The following SAMMSON variants were observed in gnomAD, a reference collection of about 807,000 sequenced individuals.
SAMMSON encodes survival associated mitochondrial melanoma specific oncogenic non-coding RNA.
chr3:70,199,446 T>C (rs1701214308), intron 4 of SAMMSON, among the ~76,000 whole-genome samples: 3 of 152,188 alleles, frequency 2.0e-5, no homozygotes, highest in Admixed American at 2.0e-4. Flanking sequence ...CCTCCCTATT[T>C]TGCACTTGAG....
chr3:70,163,447 G>A (rs2067624490), intron 4 of SAMMSON, among the ~76,000 whole-genome samples: 1 of 151,102 alleles, frequency 6.6e-6, no homozygotes, highest in South Asian at 2.1e-4. Context: ...ATTAATATTA[G>A]CTTACTTTCA....
At chr3:70,318,462 TTGTG>T (rs35643960) in intron 7 of SAMMSON, among the ~76,000 whole-genome samples, 2 of 150,112 alleles carry the variant, frequency 1.3e-5, no homozygotes, top group African/African-American at 2.4e-5. Context: ...AATTAACATT[TTGTG>T]TGTGTGTGTG....
intron 2 of SAMMSON, among the ~76,000 whole-genome samples, chr3:70,401,155 A>T (rs1379277962): frequency 6.6e-6 from 1 of 152,066 alleles, no homozygotes; most frequent in Non-Finnish European, 1.5e-5. Flanking sequence ...TATAATAGAT[A>T]TTTTGTTTTT....
chr3:70,206,601 G>A, intron 4 of SAMMSON: 1 of 397,852 alleles, frequency 2.5e-6, no homozygotes, highest in Non-Finnish European at 4.4e-6. Context: ...TGAAGTATCA[G>A]TTTGGAGGTA....
At chr3:70,018,713 G>A (rs1480349480) in intron 3 of SAMMSON, among the ~76,000 whole-genome samples, 1 of 152,000 alleles carries the variant, frequency 6.6e-6, no homozygotes, top group Non-Finnish European at 1.5e-5. Context: ...TCTCTTGTGG[G>A]CATTTAGTGC....
At chr3:70,376,871 T>C (rs1209814185) in intron 9 of SAMMSON, among the ~76,000 whole-genome samples, 1 of 152,186 alleles carries the variant, frequency 6.6e-6, no homozygotes, top group East Asian at 1.9e-4. Flanking sequence ...CCCATATCAT[T>C]TTATTTCTTT....
chr3:70,001,109 A>C (rs995785845), intron 1 of SAMMSON, among the ~76,000 whole-genome samples: 1 of 151,706 alleles, frequency 6.6e-6, no homozygotes, highest in Non-Finnish European at 1.5e-5. Flanking sequence ...AAGAGGGGTG[A>C]TGTGGGTCAT....
intron 4 of SAMMSON, among the ~76,000 whole-genome samples, chr3:70,178,676 C>A (rs895228992): frequency 1.3e-5 from 2 of 152,138 alleles, no homozygotes; most frequent in Non-Finnish European, 2.9e-5. Context: ...TTAGATGTCT[C>A]ACTAGGAAAA....
At chr3:70,000,149 C>T (rs1212974718) in intron 1 of SAMMSON, among the ~76,000 whole-genome samples, 2 of 152,200 alleles carry the variant, frequency 1.3e-5, no homozygotes, top group African/African-American at 2.4e-5. Context: ...CACCCAGTAA[C>T]ACACGCCTGC....
intron 4 of SAMMSON, among the ~76,000 whole-genome samples, chr3:70,111,318 T>A (rs930966575): frequency 6.6e-5 from 10 of 152,100 alleles, no homozygotes; most frequent in Non-Finnish European, 8.8e-5. Context: ...TAAAAATAAA[T>A]ACTCAAGTGA....
intron 3 of SAMMSON, among the ~76,000 whole-genome samples, chr3:70,061,813 T>A (rs142708935): frequency 1.3e-4 from 20 of 152,248 alleles, no homozygotes; most frequent in Admixed American, 3.3e-4. Context: ...AGGGTTTTCT[T>A]TTGCTGTAGA....
intron 6 of SAMMSON, among the ~76,000 whole-genome samples, chr3:70,268,756 T>C (rs939644151): frequency 6.6e-6 from 1 of 152,224 alleles, no homozygotes; most frequent in African/African-American, 2.4e-5. Flanking sequence ...AATACTTCAA[T>C]GAAGTATCTA....
chr3:70,282,412 G>C (rs972181422), intron 6 of SAMMSON, among the ~76,000 whole-genome samples: 2 of 152,152 alleles, frequency 1.3e-5, no homozygotes, highest in Non-Finnish European at 2.9e-5. Flanking sequence ...GTTAGTTACA[G>C]AAGCTAATGA....
intron 4 of SAMMSON, among the ~76,000 whole-genome samples, chr3:70,112,218 T>C (rs902951110): frequency 1.3e-5 from 2 of 152,170 alleles, no homozygotes; most frequent in Non-Finnish European, 2.9e-5. Flanking sequence ...AAAGGAGCAG[T>C]AATTCCTCCA....
intron 3 of SAMMSON, chr3:70,065,131 TTTA>T: frequency 6.6e-6 from 1 of 152,148 alleles, no homozygotes; most frequent in African/African-American, 2.4e-5. Context: ...GTTCCATTTT[TTTA>T]TTTTTTTTGC....
chr3:70,405,146 G>A (rs146112319), intron 2 of SAMMSON, among the ~76,000 whole-genome samples: 19 of 152,224 alleles, frequency 1.2e-4, no homozygotes, highest in Middle Eastern at 3.4e-3. Flanking sequence ...AAACAATGGG[G>A]CATTTGGTAG....
intron 1 of SAMMSON, among the ~76,000 whole-genome samples, chr3:70,010,930 C>T (rs1469391081): frequency 6.6e-6 from 1 of 152,002 alleles, no homozygotes; most frequent in African/African-American, 2.4e-5. Flanking sequence ...GAACAGCATG[C>T]AGGTGATGCT....
chr3:70,388,314 G>A (rs910265344), intron 9 of SAMMSON, among the ~76,000 whole-genome samples: 8 of 152,006 alleles, frequency 5.3e-5, no homozygotes, highest in Non-Finnish European at 8.8e-5. Context: ...TAATAAAGTC[G>A]AGTGATTTTC....
At chr3:70,099,142 A>G (rs1178497157) in intron 4 of SAMMSON, among the ~76,000 whole-genome samples, 5 of 152,298 alleles carry the variant, frequency 3.3e-5, no homozygotes, top group African/African-American at 9.6e-5. Context: ...GTTTTTATAT[A>G]TATTTCAAAT....
Sources: gnomAD v4.1 joint callset for allele counts (sites outside exome capture counted in the v4.1 genomes callset) on GRCh38, gnomAD v4.1.1 for gene constraint, MANE v1.5 for transcripts, NCBI Gene and HGNC (gene_info 2026-07-23, HGNC 2026-07-21) for gene names.